Variants in ELL2 observed in about 807,000 individuals in gnomAD.
The protein encoded by ELL2 is elongation factor for RNA polymerase II 2.
Under a neutral mutation model 72.8 loss-of-function variants are expected in ELL2, and 21 were observed. The ratio of observed to expected loss-of-function variants is 0.29; its 90% CI spans 0.20 to 0.42. The LOEUF is 0.42. ELL2 is among the 10% of genes least tolerant of loss of function. The pLI is 1.00. For missense variants in ELL2, 568 were observed against 772.8 expected (o/e 0.73, Z 3.14); for synonymous variants, 266 against 283.2 (o/e 0.94, Z 0.61).
chr5:95,954,731 C>T (rs951697200), intron 1 of ELL2, among the ~76,000 whole-genome samples: 4 of 151,564 alleles, frequency 2.6e-5, no homozygotes, highest in African/African-American at 7.3e-5. Flanking sequence ...TGAGCCACTG[C>T]GCCCGGCCAA....
intron 7 of ELL2, among the ~76,000 whole-genome samples, chr5:95,899,084 G>A (rs1749019185): frequency 6.6e-6 from 1 of 152,190 alleles, no homozygotes; most frequent in Non-Finnish European, 1.5e-5. Context: ...GTTTCTTGAA[G>A]TGCTTACTGA....
chr5:95,910,947 C>CAATTTGGT (rs59364527), intron 4 of ELL2, among the ~76,000 whole-genome samples: 4,720 of 152,252 alleles, frequency 0.031, 250 homozygotes, highest in African/African-American at 0.11. Flanking sequence ...CTGATACCAA[C>CAATTTGGT]AATTTGGTAT....
chr5:95,929,391 T>C (rs1750515103), intron 2 of ELL2, among the ~76,000 whole-genome samples: 1 of 152,022 alleles, frequency 6.6e-6, no homozygotes, highest in Non-Finnish European at 1.5e-5. Flanking sequence ...CCCGAGTAGC[T>C]GGGATTACAG....
intron 1 of ELL2, among the ~76,000 whole-genome samples, chr5:95,957,662 T>A (rs1751669895): frequency 6.6e-6 from 1 of 152,212 alleles, no homozygotes; most frequent in Non-Finnish European, 1.5e-5. Context: ...ACAATGCCCC[T>A]CTGCCTGTTT....
At chr5:95,928,168 G>C (rs552983317) in intron 2 of ELL2, among the ~76,000 whole-genome samples, 15 of 152,192 alleles carry the variant, frequency 9.9e-5, no homozygotes, top group South Asian at 6.2e-4. Flanking sequence ...AAGATATACA[G>C]ACTATGGAGC....
In ELL2 at chr5:95,888,998, A is replaced by G; in HGVS notation, c.1807-11T>C. The G allele has an allele frequency of 3.5e-6, 2 of 577,856 alleles. No individual in the cohort carries two copies. Among genetic ancestry groups the G allele is most frequent in the Non-Finnish European group, 4.7e-6 (2 of 421,622 alleles). 35.8% of individuals were successfully genotyped at this position (577,856 alleles called of 1,614,324 possible). On this transcript the variant is annotated splice_polypyrimidine_tract_variant and intron_variant, in intron 11 of 11. Coordinates refer to ENST00000237853, the MANE Select transcript of ELL2 (RefSeq NM_012081.6). ...GTAATTGGGACTAGACTGCAGATGA[A>G]AAAAAAAAAAAAAAAAGAGGAATGA...
chr5:95,916,736 T>G (rs1258375867), intron 3 of ELL2, among the ~76,000 whole-genome samples: 1 of 131,708 alleles, frequency 7.6e-6, no homozygotes, highest in African/African-American at 3.4e-5. Context: ...TGAGCATGTT[T>G]GCATGCCAAA....
In ELL2 at chr5:95,898,666, G is replaced by C. The variant is rs576028985; in HGVS notation, c.1099C>G (p.Pro367Ala). ...GGGGTAGGGATGGCAGCAGCCGCAG[G>C]GGGCAGCGGGAGGCCTGCAGCAGAT... ...EKSAAGLPLP[P>A]AAAAIPTPPP... Residue 367 changes from proline to alanine, a missense_variant, in exon 8 of 12, where the codon CCT becomes GCT. Physicochemically the swap from Pro to Ala is conservative, Grantham distance 27 (BLOSUM62 -1). Coordinates refer to ENST00000237853, the MANE Select transcript of ELL2 (RefSeq NM_012081.6). The C allele has an allele frequency of 3.0e-5, 48 of 1,613,132 alleles. No homozygotes were observed. The Middle Eastern group carries it at 9.9e-4, about 33-fold the overall frequency.
chr5:95,949,999 A>C (rs1358109751), intron 1 of ELL2, among the ~76,000 whole-genome samples: 1 of 152,228 alleles, frequency 6.6e-6, no homozygotes, highest in African/African-American at 2.4e-5. Flanking sequence ...CCTGGGGCTC[A>C]GAACTGTGCT....
At chr5:95,921,762 A>G (rs565031730) in intron 2 of ELL2, among the ~76,000 whole-genome samples, 2 of 152,348 alleles carry the variant, frequency 1.3e-5, no homozygotes, top group African/African-American at 4.8e-5. Flanking sequence ...CAGAGAAGGG[A>G]TATGCCTAGA....
intron 2 of ELL2, among the ~76,000 whole-genome samples, chr5:95,937,527 AC>A (rs1750822199): frequency 6.6e-6 from 1 of 151,508 alleles, no homozygotes; most frequent in African/African-American, 2.4e-5. Context: ...GTGTGTGTGT[AC>A]GTGTTGTGTG....
At chr5:95,911,091 A>C (rs1292475270) in intron 4 of ELL2, among the ~76,000 whole-genome samples, 2 of 152,220 alleles carry the variant, frequency 1.3e-5, no homozygotes, top group African/African-American at 4.8e-5. Flanking sequence ...TTAGTATTGA[A>C]GGGTGATTGA....
rs1211663802 is a variant in ELL2, at chr5:95,907,296, A to ATTTTTTTTTTTTTTTTT, written c.482-515_482-514insAAAAAAAAAAAAAAAAA. On this transcript the variant is annotated intron_variant, in intron 4 of 11. Transcript: ENST00000237853. Reference sequence around the variant, plus strand: ...GTTAGTGATATATATATATATATATATTTTTTTTTTTTACAGGCCAAGACA... The same window carrying ATTTTTTTTTTTTTTTTT: ...GTTAGTGATATATATATATATATATATTTTTTTTTTTTTTTTTTTTTTTTTTTTTACAGGCCAAGACA... 1.1e-3 allele frequency among the ~76,000 whole-genome samples: 124 copies of ATTTTTTTTTTTTTTTTT among 116,416 alleles called. 2 individuals carry two copies. The highest frequency in any genetic ancestry group is 4.4e-3 in the Middle Eastern group (1 of 228). The allele number at this position is 116,416 out of a possible 152,430, so 76.4% of individuals were successfully genotyped here.
intron 1 of ELL2, among the ~76,000 whole-genome samples, chr5:95,950,950 A>T (rs1014576567): frequency 8.9e-6 from 1 of 112,262 alleles, no homozygotes; most frequent in Admixed American, 9.8e-5. Flanking sequence ...ATATATATAT[A>T]TATAAAATCT....
At chr5:95,908,340 C>T (rs1453322609) in intron 4 of ELL2, among the ~76,000 whole-genome samples, 8 of 152,106 alleles carry the variant, frequency 5.3e-5, no homozygotes, top group Non-Finnish European at 1.0e-4. Flanking sequence ...GGGATATGCT[C>T]AAAGGGTAAA....
At position 95,957,113 on chromosome 5, in the gene ELL2, T is replaced by C. The variant is rs556423902; in HGVS notation, c.147+4462A>G. 3.3e-5 allele frequency among the ~76,000 whole-genome samples: 5 copies of C among 152,314 alleles called. No homozygotes were observed. The South Asian group carries it at 8.3e-4, about 25-fold the overall frequency. ...GGTAGTATTATTTGAGCCACCACCT[T>C]TGAAACTTTGAGTAAACATTTTTTA... On this transcript the variant is annotated intron_variant, in intron 1 of 11. Transcript: ENST00000237853.
chr5:95,905,611 G>C (rs1749325521), intron 5 of ELL2, among the ~76,000 whole-genome samples: 1 of 152,166 alleles, frequency 6.6e-6, no homozygotes, highest in Admixed American at 6.5e-5. Flanking sequence ...ATACCTTGGG[G>C]ACTGGCTAAC....
rs535173054 is a variant in ELL2, at chr5:95,900,981, G to A, written c.841C>T (p.Arg281Trp). ...CTAGAGAGCACTGACTCCAATGACC[G>A]TCTGTCTATTTCACTGTATCCAGGC... ...DWPGYSEIDR[R>W]SLESVLSRKL... is the part of the protein sequence containing the mutation. The change falls in exon 6 of 12, where the codon CGG becomes TGG. Residue 281 changes from arginine (R) to tryptophan (W), a missense_variant. Physicochemically the swap from Arg to Trp is moderately radical, Grantham distance 101. Transcript: ENST00000237853. The A allele has an allele frequency of 1.8e-5, 29 of 1,611,160 alleles. No individual in the cohort carries two copies. The highest frequency in any genetic ancestry group is 1.7e-4 in the South Asian group (15 of 90,238).
At chr5:95,957,307 C>T (rs1234924924) in intron 1 of ELL2, among the ~76,000 whole-genome samples, 1 of 152,026 alleles carries the variant, frequency 6.6e-6, no homozygotes, top group East Asian at 1.9e-4. Flanking sequence ...TATAGTTTTC[C>T]ATTTGGGGGA....
Sources: allele counts gnomAD v4.1 joint callset (sites outside exome capture counted in the v4.1 genomes callset), GRCh38; gene constraint gnomAD v4.1.1; transcripts MANE v1.5; gene names NCBI Gene and HGNC (gene_info 2026-07-23, HGNC 2026-07-21).